Variants in SLC28A1 observed in about 807,000 individuals in gnomAD.
SLC28A1 encodes solute carrier family 28 member 1.
Under a neutral mutation model 74.8 loss-of-function variants are expected in SLC28A1, and 64 were observed. The ratio of observed to expected loss-of-function variants is 0.86; its 90% confidence interval spans 0.70 to 1.05. The LOEUF (loss-of-function observed/expected upper bound fraction) is 1.05, where lower values mean the gene tolerates loss of function less well. SLC28A1 is among the 50% of genes least tolerant of loss of function. The probability of loss-of-function intolerance (pLI) is 0.00; values close to 1 mark genes in which losing one functional copy is unlikely to be tolerated. For missense variants in SLC28A1, 828 were observed against 822.8 expected, an observed-to-expected ratio of 1.01 and a Z score of -0.08; for synonymous variants, 359 against 335.0, an observed-to-expected ratio of 1.07 and a Z score of -0.78.
At chr15:84,953,201 G>A in the SLC28A1 span, among the ~76,000 whole-genome samples, 1 of 152,188 alleles carries the variant, frequency 6.6e-6, no homozygotes, top group Non-Finnish European at 1.5e-5. Flanking sequence ...AGTGTGGCCC[G>A]ATGCTGCAGT....
chr15:84,908,662 C>A, intron 8 of SLC28A1, 56 bp from the exon 9 acceptor site: 1 of 1,468,320 alleles, frequency 6.8e-7, no homozygotes, highest in Non-Finnish European at 9.5e-7. Flanking sequence ...TGCTTCCTCC[C>A]TCCTCCCTTC....
intron 12 of SLC28A1, among the ~76,000 whole-genome samples, chr15:84,929,926 CCAGGTG>C (rs1971078907): frequency 6.6e-6 from 1 of 152,142 alleles, no homozygotes; most frequent in Non-Finnish European, 1.5e-5. Context: ...GCTCTCCTGA[CCAGGTG>C]CCTGGGAGGC....
At chr15:84,890,678 T>G in intron 5 of SLC28A1, 144 bp downstream of exon 5, 1 of 720,742 alleles carries the variant, frequency 1.4e-6, no homozygotes, top group Non-Finnish European at 2.5e-6. Flanking sequence ...TGCTGGGTAC[T>G]GAGGCATCTG....
intron 5 of SLC28A1, among the ~76,000 whole-genome samples, 192 bp from the exon 6 acceptor site, chr15:84,894,748 C>G (rs1545471): frequency 6.6e-6 from 1 of 152,046 alleles, no homozygotes; most frequent in South Asian, 2.1e-4. Flanking sequence ...CTGCCAGTAC[C>G]TCCTAACTAC....
chr15:84,915,683 G>C (rs1968984376), intron 9 of SLC28A1, among the ~76,000 whole-genome samples: 1 of 152,152 alleles, frequency 6.6e-6, no homozygotes, highest in Non-Finnish European at 1.5e-5. Flanking sequence ...TACCGTTCCA[G>C]AGTTCTCTGA....
At chr15:84,929,843 C>T (rs1567174440) in intron 12 of SLC28A1, among the ~76,000 whole-genome samples, 1 of 152,214 alleles carries the variant, frequency 6.6e-6, no homozygotes, top group Admixed American at 6.5e-5. Flanking sequence ...GCCTGGGTGA[C>T]AGAGCGAGAC....
intron 15 of SLC28A1, among the ~76,000 whole-genome samples, chr15:84,937,090 T>C (rs8025438): frequency 0.31 from 46,035 of 150,056 alleles, 8,378 homozygotes; most frequent in East Asian, 0.82. Context: ...AGAGTTTACA[T>C]AGTTTCTGTC....
chr15:84,894,617 C>T (rs747389020), intron 5 of SLC28A1, among the ~76,000 whole-genome samples: 1 of 152,316 alleles, frequency 6.6e-6, no homozygotes, highest in Non-Finnish European at 1.5e-5. Context: ...TGGCGCTGGA[C>T]CACAGCAGAT....
chr15:84,948,568 G>T (rs773530479), downstream of SLC28A1, among the ~76,000 whole-genome samples: 11 of 152,160 alleles, frequency 7.2e-5, no homozygotes, highest in Non-Finnish European at 1.3e-4. Flanking sequence ...TGGGAGCTGA[G>T]TCACCACGGT....
the SLC28A1 span, among the ~76,000 whole-genome samples, chr15:84,968,930 G>C: frequency 6.6e-6 from 1 of 152,150 alleles, no homozygotes; most frequent in Non-Finnish European, 1.5e-5. Flanking sequence ...AGGGAAAGGA[G>C]GATCCTGAGC....
At chr15:84,957,784 G>A in the SLC28A1 span, among the ~76,000 whole-genome samples, 1 of 152,154 alleles carries the variant, frequency 6.6e-6, no homozygotes, top group Non-Finnish European at 1.5e-5. Flanking sequence ...TTTAAAGATT[G>A]TTTAAGCTAT....
chr15:84,899,997 A>AAGGCAGGCAGGC (rs58660486), intron 6 of SLC28A1, among the ~76,000 whole-genome samples: 3 of 148,708 alleles, frequency 2.0e-5, no homozygotes, highest in Non-Finnish European at 3.0e-5. Flanking sequence ...GGAAAAGAAA[A>AAGGCAGGCAGGC]AGGCAGGCAG....
chr15:84,958,386 G>A, the SLC28A1 span, among the ~76,000 whole-genome samples: 2 of 152,054 alleles, frequency 1.3e-5, no homozygotes, highest in Non-Finnish European at 2.9e-5. Context: ...TCTTTCTTGG[G>A]TTATTCCCTC....
chr15:84,919,116 G>A (rs1055244265), intron 10 of SLC28A1, among the ~76,000 whole-genome samples: 11 of 152,188 alleles, frequency 7.2e-5, no homozygotes, highest in South Asian at 2.1e-4. Context: ...GTTTTGAGGC[G>A]GCACTGAAAA....
the SLC28A1 span, chr15:84,961,476 T>C: frequency 2.2e-6 from 1 of 453,506 alleles, no homozygotes; most frequent in Non-Finnish European, 4.4e-6. Context: ...GGACTACATG[T>C]ATGTGCCGTC....
At chr15:84,908,632 A>G in intron 8 of SLC28A1, 86 bp from the exon 9 acceptor site, 2 of 1,188,226 alleles carry the variant, frequency 1.7e-6, no homozygotes, top group South Asian at 2.5e-5. Context: ...CCCTGGGCCA[A>G]CCCGCCTGTC....
chr15:84,930,361 A>T (rs2141983836), intron 12 of SLC28A1, among the ~76,000 whole-genome samples: 1 of 152,328 alleles, frequency 6.6e-6, no homozygotes, highest in Non-Finnish European at 1.5e-5. Context: ...TCATCCAGCA[A>T]GGGGCAGGGG....
the SLC28A1 span, among the ~76,000 whole-genome samples, chr15:84,952,726 A>G: frequency 6.6e-6 from 1 of 152,166 alleles, no homozygotes; most frequent in Non-Finnish European, 1.5e-5. Context: ...TCTCTACAAA[A>G]AAATACAAAA....
the SLC28A1 span, among the ~76,000 whole-genome samples, chr15:84,972,951 C>G: frequency 1.3e-5 from 2 of 152,196 alleles, no homozygotes; most frequent in African/African-American, 4.8e-5. Context: ...GGAGCCTCCT[C>G]TCTGACCTGG....
Sources: gnomAD v4.1 joint callset for allele counts (sites outside exome capture counted in the v4.1 genomes callset) on GRCh38, gnomAD v4.1.1 for gene constraint, MANE v1.5 for transcripts, NCBI Gene and HGNC (gene_info 2026-07-23, HGNC 2026-07-21) for gene names.